The following CDH4 variants were observed in gnomAD, a reference collection of about 807,000 sequenced individuals.
The protein encoded by CDH4 is cadherin-4.
CDH4 carries 33 observed loss-of-function variants against 86.0 expected under a neutral mutation model. That is an observed-to-expected ratio of 0.38 (90% CI 0.29 to 0.51). CDH4 has a LOEUF of 0.51. Among genes scored for constraint, CDH4 ranks in the 20% least tolerant of loss-of-function variants. CDH4 has a pLI of 0.86. For missense variants in CDH4, 1,114 were observed against 1,307.4 expected (o/e 0.85, Z 2.28); for synonymous variants, 555 against 549.4 (o/e 1.01, Z -0.14).
chr20:61,679,713 A>AG (rs1308089918), intron 2 of CDH4, among the ~76,000 whole-genome samples: 1 of 152,204 alleles, frequency 6.6e-6, no homozygotes, highest in Non-Finnish European at 1.5e-5. Context: ...GCCAAGGCCC[A>AG]GGAGGGAGCC....
chr20:61,651,317 G>A (rs1248564203), intron 2 of CDH4, among the ~76,000 whole-genome samples: 2 of 152,260 alleles, frequency 1.3e-5, no homozygotes, highest in Non-Finnish European at 2.9e-5. Context: ...TGCCCCTTCT[G>A]TGCCATTTTC....
At chr20:61,841,698 C>CA (rs529006692) in intron 4 of CDH4, among the ~76,000 whole-genome samples, 1 of 148,650 alleles carries the variant, frequency 6.7e-6, no homozygotes, top group Non-Finnish European at 1.5e-5. Flanking sequence ...AGGTGCATTG[C>CA]GGGGGGGAAC....
chr20:61,514,601 C>T (rs978382304), intron 2 of CDH4, among the ~76,000 whole-genome samples: 1 of 152,134 alleles, frequency 6.6e-6, no homozygotes, highest in Non-Finnish European at 1.5e-5. Flanking sequence ...TTCCATGTTG[C>T]GGGGCCTAGC....
intron 2 of CDH4, among the ~76,000 whole-genome samples, chr20:61,397,915 C>T (rs1319485027): frequency 1.3e-5 from 2 of 152,076 alleles, no homozygotes; most frequent in East Asian, 1.9e-4. Context: ...TTTTTTTTAG[C>T]GCATCCAGTG....
At chr20:61,319,758 CAA>C in intron 2 of CDH4, among the ~76,000 whole-genome samples, 1 of 149,118 alleles carries the variant, frequency 6.7e-6, no homozygotes, top group East Asian at 2.0e-4. Flanking sequence ...CCACCCTGGC[CAA>C]AACATGGTAA....
At position 61,642,003 on chromosome 20, in the gene CDH4, CCCACCAGGCA is replaced by C. The variant is rs369443181; in HGVS notation, c.170-101545_170-101536del. Among the ~76,000 whole-genome samples, 9 of 11,144 alleles carry C rather than the reference CCCACCAGGCA, an allele frequency of 8.1e-4. 1 individual carries two copies. Among genetic ancestry groups the C allele is most frequent in the African/African-American group, 3.5e-3 (5 of 1,410 alleles). The allele number at this position is 11,144 out of a possible 152,430, so 7.3% of individuals were successfully genotyped here. On this transcript the variant is annotated intron_variant, in intron 2 of 15. Transcript: ENST00000614565. ...TTTGGGATCAGACGGGGCTGCCTGA[CCCACCAGGCA>C]CCACCAGGCACCACAGCACCCAGGA...
At chr20:61,346,833 AGGTGAGAGGCGAC>A (rs2084681837) in intron 2 of CDH4, among the ~76,000 whole-genome samples, 1 of 152,058 alleles carries the variant, frequency 6.6e-6, no homozygotes, top group South Asian at 2.1e-4. Context: ...TGCGCTATGC[AGGTGAGAGGCGAC>A]GGTGAGTGGG....
chr20:61,868,706 A>G (rs79690082), intron 6 of CDH4, among the ~76,000 whole-genome samples: 2 of 40,834 alleles, frequency 4.9e-5, no homozygotes, highest in Non-Finnish European at 7.0e-5. Context: ...CACTCTGGGC[A>G]GGTGTCCCCC....
At chr20:61,449,260 C>G (rs1351418539) in intron 2 of CDH4, among the ~76,000 whole-genome samples, 2 of 152,200 alleles carry the variant, frequency 1.3e-5, no homozygotes, top group African/African-American at 2.4e-5. Context: ...GGCCGAGGGA[C>G]CTTGAAACCA....
chr20:61,773,388 T>A (rs1300947208), intron 4 of CDH4, among the ~76,000 whole-genome samples: 1 of 152,220 alleles, frequency 6.6e-6, no homozygotes, highest in Admixed American at 6.5e-5. Flanking sequence ...TGGGCCTTTG[T>A]GAGTTAGGGG....
intron 4 of CDH4, among the ~76,000 whole-genome samples, chr20:61,787,069 G>A (rs1978916794): frequency 6.6e-6 from 1 of 152,146 alleles, no homozygotes; most frequent in Non-Finnish European, 1.5e-5. Context: ...GATGACAGCA[G>A]GCTGTGGTGG....
At chr20:61,897,192 G>A (rs754763337) in intron 8 of CDH4, among the ~76,000 whole-genome samples, 21 of 152,122 alleles carry the variant, frequency 1.4e-4, no homozygotes, top group Admixed American at 5.9e-4. Flanking sequence ...AGACGTTGGG[G>A]GGCAGAAGAT....
At chr20:61,259,447 A>G (rs1439104451) in intron 2 of CDH4, among the ~76,000 whole-genome samples, 1 of 152,238 alleles carries the variant, frequency 6.6e-6, no homozygotes, top group Non-Finnish European at 1.5e-5. Context: ...GCCGATGTCC[A>G]GCACCGGCCT....
chr20:61,627,498 G>A (rs981236721), intron 2 of CDH4, among the ~76,000 whole-genome samples: 1 of 152,188 alleles, frequency 6.6e-6, no homozygotes, highest in Admixed American at 6.5e-5. Flanking sequence ...CCCCTAATGT[G>A]ACAATCAAAA....
chr20:61,602,706 A>AAC (rs1389567708), intron 2 of CDH4, among the ~76,000 whole-genome samples: 14 of 150,420 alleles, frequency 9.3e-5, no homozygotes, highest in Non-Finnish European at 1.6e-4. Context: ...AAAAAAAAAA[A>AAC]AAAAAAAAAA....
intron 4 of CDH4, among the ~76,000 whole-genome samples, chr20:61,805,970 G>T (rs1005569407): frequency 2.0e-5 from 3 of 152,214 alleles, no homozygotes; most frequent in African/African-American, 7.2e-5. Context: ...GGAAAGCTAC[G>T]CAGGCCCGCT....
chr20:61,350,678 C>G (rs2084706851), intron 2 of CDH4, among the ~76,000 whole-genome samples: 1 of 151,162 alleles, frequency 6.6e-6, no homozygotes, highest in South Asian at 2.1e-4. Flanking sequence ...CAGGACACCT[C>G]TGACCTTGCC....
rs565921719 is a variant in CDH4 at position 61,253,658 on chromosome 20, G to T, written c.57+1088G>T. 3.3e-5 allele frequency among the ~76,000 whole-genome samples: 5 copies of T among 152,200 alleles called. No individual in the cohort carries two copies. The East Asian group carries it at 9.7e-4, about 29-fold the overall frequency. Reference sequence around the variant, plus strand: ...GGGTGCGATTTGGAGCTTCGTGGCCGATGAAGAAAGCCGCGGTTTAGAGCT... The same window carrying T: ...GGGTGCGATTTGGAGCTTCGTGGCCTATGAAGAAAGCCGCGGTTTAGAGCT... On this transcript the variant is annotated intron_variant, in intron 1 of 15. Transcript: ENST00000614565.
intron 2 of CDH4, among the ~76,000 whole-genome samples, chr20:61,256,945 G>A (rs1472379757): frequency 1.3e-5 from 2 of 152,192 alleles, no homozygotes; most frequent in African/African-American, 4.8e-5. Flanking sequence ...AAGAGCTAAG[G>A]CTGACAGGCA....
Sources: allele counts gnomAD v4.1 joint callset (sites outside exome capture counted in the v4.1 genomes callset), GRCh38; gene constraint gnomAD v4.1.1; transcripts MANE v1.5; gene names NCBI Gene and HGNC (gene_info 2026-07-23, HGNC 2026-07-21).